The following BTBD9 variants were observed in gnomAD, a reference collection of about 807,000 sequenced individuals.
The protein encoded by BTBD9 is BTB/POZ domain-containing protein 9.
BTBD9 carries 49 observed loss-of-function variants against 64.3 expected under a neutral mutation model. The observed-to-expected ratio is 0.76, with a 90% CI of 0.61 to 0.97. BTBD9 has a LOEUF of 0.97. Ranked by LOEUF, BTBD9 falls within the 50% of genes least tolerant of loss-of-function variation. The pLI is 0.00. For missense variants in BTBD9, 598 were observed against 762.1 expected (o/e 0.78, Z 2.53); for synonymous variants, 260 against 274.7 (o/e 0.95, Z 0.53).
chr6:38,232,857 C>G (rs1218030044), intron 9 of BTBD9, among the ~76,000 whole-genome samples: 3 of 152,148 alleles, frequency 2.0e-5, no homozygotes, highest in Admixed American at 6.5e-5. Context: ...AGAGGCCAGG[C>G]TTCCTCCTAT....
intron 6 of BTBD9, among the ~76,000 whole-genome samples, chr6:38,464,710 A>C (rs2127357426): frequency 6.6e-6 from 1 of 152,164 alleles, no homozygotes. Flanking sequence ...TGGCCAGGCT[A>C]GTCTTGAACT....
intron 9 of BTBD9, among the ~76,000 whole-genome samples, chr6:38,242,689 T>C (rs751253605): frequency 6.6e-5 from 10 of 152,220 alleles, no homozygotes; most frequent in Non-Finnish European, 1.3e-4. Context: ...TCCTTCACAA[T>C]GTATTAATAG....
At chr6:38,639,113 G>A (rs978124267) in intron 1 of BTBD9, among the ~76,000 whole-genome samples, 3 of 152,202 alleles carry the variant, frequency 2.0e-5, no homozygotes, top group African/African-American at 7.2e-5. Context: ...GGGAAATATA[G>A]CAAGATAACT....
intron 9 of BTBD9, among the ~76,000 whole-genome samples, chr6:38,205,999 G>C (rs1364619452): frequency 6.6e-6 from 1 of 151,532 alleles, no homozygotes; most frequent in Admixed American, 6.6e-5. Context: ...CCCAGGATGA[G>C]AGCCGTAAAA....
At chr6:38,338,243 C>G (rs980560397) in intron 7 of BTBD9, among the ~76,000 whole-genome samples, 6 of 152,180 alleles carry the variant, frequency 3.9e-5, no homozygotes, top group African/African-American at 1.4e-4. Context: ...ATACACTGGA[C>G]AAACAGATGA....
rs143419984 is a variant in BTBD9, at chr6:38,473,696, A to G, written c.1154+103904T>C. Among the ~76,000 whole-genome samples, 647 of 152,356 alleles carry G rather than the reference A, an allele frequency of 4.2e-3. 9 individuals are homozygous for G. Among genetic ancestry groups the G allele is most frequent in the African/African-American group, 0.015 (618 of 41,588 alleles). ...GGTACTGGGTAAAAGTGAACAAAAC[A>G]GTCACAATCCCTGCCTTCATGGAGC... On this transcript the variant is annotated intron_variant, in intron 6 of 10. Coordinates refer to ENST00000481247, the MANE Select transcript of BTBD9 (RefSeq NM_001099272.2).
intron 7 of BTBD9, among the ~76,000 whole-genome samples, chr6:38,293,978 A>C (rs60395126): frequency 0.027 from 4,172 of 152,310 alleles, 180 homozygotes; most frequent in African/African-American, 0.095. Flanking sequence ...TTACAAGAAA[A>C]AAAACAAACA....
intron 1 of BTBD9, among the ~76,000 whole-genome samples, chr6:38,624,967 T>C (rs1404479851): frequency 2.0e-5 from 3 of 152,228 alleles, no homozygotes; most frequent in Non-Finnish European, 4.4e-5. Context: ...ACATTAGTAT[T>C]ATATTTTTAT....
At chr6:38,274,456 C>A (rs1455618116) in intron 8 of BTBD9, among the ~76,000 whole-genome samples, 5 of 151,708 alleles carry the variant, frequency 3.3e-5, no homozygotes, top group Non-Finnish European at 7.4e-5. Flanking sequence ...CTGTCTTGTG[C>A]CAGTTTTCAA....
intron 6 of BTBD9, among the ~76,000 whole-genome samples, chr6:38,425,424 A>G (rs1268998343): frequency 6.6e-6 from 1 of 151,760 alleles, no homozygotes; most frequent in Non-Finnish European, 1.5e-5. Flanking sequence ...CCTAGTTCTA[A>G]CACTTATAAC....
At chr6:38,377,899 A>T (rs1171226882) in intron 6 of BTBD9, among the ~76,000 whole-genome samples, 1 of 152,222 alleles carries the variant, frequency 6.6e-6, no homozygotes, top group African/African-American at 2.4e-5. Flanking sequence ...CTTAAAAAGA[A>T]ATCTTTAGAT....
chr6:38,317,056 T>C lies in BTBD9; in HGVS notation c.1264+27928A>G, dbSNP rs111569887. Among the ~76,000 whole-genome samples the C allele has an allele frequency of 3.0e-3, 451 of 152,124 alleles. 5 individuals are homozygous for C. The highest frequency in any genetic ancestry group is 9.6e-3 in the African/African-American group (397 of 41,496). On this transcript the variant is annotated intron_variant, in intron 7 of 10. Transcript: ENST00000481247. The stretch of plus-strand genomic sequence containing the variant: ...CTGTCACCAGGCTGGAGTGCAATGG[T>C]GTGATCTCGGCTCACTGCAACCTCC...
intron 6 of BTBD9, among the ~76,000 whole-genome samples, chr6:38,521,372 A>G (rs1020330618): frequency 2.0e-5 from 3 of 152,226 alleles, no homozygotes; most frequent in African/African-American, 7.2e-5. Flanking sequence ...CATTGTTACC[A>G]TTCTTATTAG....
Position 38,477,399 on chromosome 6 carries a change from C to G in BTBD9, c.1154+100201G>C, listed in dbSNP as rs116063638. Among the ~76,000 whole-genome samples, 1,319 of 152,280 alleles carry G rather than the reference C, an allele frequency of 8.7e-3. 16 individuals are homozygous for G. Among genetic ancestry groups the G allele is most frequent in the African/African-American group, 0.03 (1,257 of 41,544 alleles). On this transcript the variant is annotated intron_variant, in intron 6 of 10. Coordinates refer to ENST00000481247, the MANE Select transcript of BTBD9 (RefSeq NM_001099272.2). ...ATAGACAGGGCTTATTTTGTAAGAG[C>G]AAACTCTCATCTACAGGACATGCCA...
intron 9 of BTBD9, among the ~76,000 whole-genome samples, chr6:38,236,708 T>G (rs979970066): frequency 6.6e-6 from 1 of 152,180 alleles, no homozygotes; most frequent in African/African-American, 2.4e-5. Context: ...ACTCCAGAGA[T>G]TTCTGCAGCA....
chr6:38,591,706 A>G (rs1776796767), intron 4 of BTBD9, among the ~76,000 whole-genome samples: 1 of 152,158 alleles, frequency 6.6e-6, no homozygotes. Flanking sequence ...TATACCTCAA[A>G]GAGTTGTGAG....
At chr6:38,326,061 AG>A (rs1763415323) in intron 7 of BTBD9, among the ~76,000 whole-genome samples, 1 of 152,134 alleles carries the variant, frequency 6.6e-6, no homozygotes, top group Admixed American at 6.6e-5. Flanking sequence ...TACCAAGACT[AG>A]GGGTAGGGGG....
intron 6 of BTBD9, among the ~76,000 whole-genome samples, chr6:38,470,499 G>A (rs925919573): frequency 6.6e-6 from 1 of 152,212 alleles, no homozygotes; most frequent in African/African-American, 2.4e-5. Flanking sequence ...AGGTTGATTA[G>A]GGAGGGTTGG....
chr6:38,352,971 A>C (rs1040418818), intron 6 of BTBD9, among the ~76,000 whole-genome samples: 3 of 152,256 alleles, frequency 2.0e-5, no homozygotes, highest in Non-Finnish European at 2.9e-5. Flanking sequence ...ATAAACAACA[A>C]ATTAAAAAAT....
Sources: gnomAD v4.1 joint callset for allele counts (sites outside exome capture counted in the v4.1 genomes callset) on GRCh38, gnomAD v4.1.1 for gene constraint, MANE v1.5 for transcripts, NCBI Gene and HGNC (gene_info 2026-07-23, HGNC 2026-07-21) for gene names.